NAV2: variants seen among roughly 807,000 people sequenced by gnomAD.
The protein encoded by NAV2 is neuron navigator 2.
In NAV2, 54 loss-of-function variants were observed where a neutral mutation model predicts 223.2. That is an observed-to-expected ratio of 0.24 (90% CI 0.19 to 0.30). The LOEUF (loss-of-function observed/expected upper bound fraction) is 0.30. NAV2 is among the 10% of genes least tolerant of loss of function. NAV2 has a pLI of 1.00. For missense variants in NAV2, 2,806 were observed against 3,147.5 expected, an observed-to-expected ratio of 0.89 and a Z score of 2.60; for synonymous variants, 1,279 against 1,239.3, an observed-to-expected ratio of 1.03 and a Z score of -0.67.
At chr11:19,793,566 C>A (rs569245019) in intron 1 of NAV2, among the ~76,000 whole-genome samples, 1 of 152,318 alleles carries the variant, frequency 6.6e-6, no homozygotes, top group African/African-American at 2.4e-5. Context: ...GGGCCTCTTG[C>A]ACCTGGACTG....
intron 1 of NAV2, among the ~76,000 whole-genome samples, chr11:19,489,786 C>A (rs918736355): frequency 2.0e-5 from 3 of 152,132 alleles, no homozygotes; most frequent in Non-Finnish European, 4.4e-5. Context: ...TGCTTCTCCC[C>A]CAAACTGTTT....
At chr11:20,071,026 T>A (rs1226934997) in intron 22 of NAV2, among the ~76,000 whole-genome samples, 1 of 152,154 alleles carries the variant, frequency 6.6e-6, no homozygotes, top group Non-Finnish European at 1.5e-5. Context: ...TACGTACGTA[T>A]ACATGTGCCA....
At chr11:19,378,051 G>A (rs906391475) in intron 1 of NAV2, among the ~76,000 whole-genome samples, 4 of 152,280 alleles carry the variant, frequency 2.6e-5, no homozygotes, top group South Asian at 2.1e-4. Context: ...GAGCTGTCTG[G>A]GGTCTGAACA....
chr11:19,454,650 C>A (rs1041818967), intron 1 of NAV2, among the ~76,000 whole-genome samples: 1 of 152,094 alleles, frequency 6.6e-6, no homozygotes, highest in African/African-American at 2.4e-5. Flanking sequence ...TGTCATGGAG[C>A]CTCCAGGAAG....
intron 17 of NAV2, among the ~76,000 whole-genome samples, chr11:20,053,349 A>T (rs2058149415): frequency 6.6e-6 from 1 of 152,002 alleles, no homozygotes; most frequent in Non-Finnish European, 1.5e-5. Flanking sequence ...CAGGGTTCTT[A>T]CCTTCCCTGA....
chr11:19,806,910 C>T (rs1332516167), intron 1 of NAV2, among the ~76,000 whole-genome samples: 6 of 152,174 alleles, frequency 3.9e-5, no homozygotes, highest in African/African-American at 1.4e-4. Flanking sequence ...GCTAACCCTG[C>T]CTGGGCATCA....
At chr11:19,793,929 G>A (rs532267328) in intron 1 of NAV2, among the ~76,000 whole-genome samples, 3 of 152,222 alleles carry the variant, frequency 2.0e-5, no homozygotes, top group East Asian at 1.9e-4. Context: ...CGGAGAGGCC[G>A]CCGGGACCCC....
intron 36 of NAV2, among the ~76,000 whole-genome samples, chr11:20,113,511 A>G (rs2062806632): frequency 1.3e-5 from 2 of 152,198 alleles, no homozygotes; most frequent in South Asian, 2.1e-4. Context: ...TGATCTTACC[A>G]TAAAATTAAG....
At chr11:19,807,744 G>A (rs980762913) in intron 1 of NAV2, among the ~76,000 whole-genome samples, 2 of 152,162 alleles carry the variant, frequency 1.3e-5, no homozygotes, top group Non-Finnish European at 2.9e-5. Context: ...CAAAGGATGT[G>A]CTCATAGCAG....
chr11:20,009,035 C>A lies in NAV2; in HGVS notation c.2768+24788C>A, dbSNP rs982659290. Among the ~76,000 whole-genome samples the A allele has an allele frequency of 1.3e-5, 2 of 152,156 alleles. 1 individual carries two copies. Reference sequence around the variant, plus strand: ...CTGTAGTGCTTACTGGCAAATGAGACTTCCCATCCTCACGTGGCTACACAG... The same window carrying A: ...CTGTAGTGCTTACTGGCAAATGAGAATTCCCATCCTCACGTGGCTACACAG... On this transcript the variant is annotated intron_variant, in intron 11 of 37. Transcript: ENST00000349880.
chr11:20,107,854 A>G (rs1440158484), intron 36 of NAV2, 72 bp downstream of exon 36: 3 of 1,007,672 alleles, frequency 3.0e-6, no homozygotes, highest in African/African-American at 1.6e-5. Flanking sequence ...AGTTGTCTTT[A>G]TCTCCTCCTC....
At chr11:19,820,724 A>G (rs555019929) in intron 1 of NAV2, among the ~76,000 whole-genome samples, 2 of 152,298 alleles carry the variant, frequency 1.3e-5, no homozygotes, top group South Asian at 2.1e-4. Context: ...GGGGCTGATC[A>G]TCCATTCAAC....
chr11:20,075,125 G>A (rs2059641643), intron 22 of NAV2, among the ~76,000 whole-genome samples: 1 of 152,102 alleles, frequency 6.6e-6, no homozygotes, highest in East Asian at 1.9e-4. Flanking sequence ...AAATTGATTG[G>A]CTTTTGTTTT....
At chr11:19,985,737 C>G (rs947613397) in intron 11 of NAV2, among the ~76,000 whole-genome samples, 1 of 152,004 alleles carries the variant, frequency 6.6e-6, no homozygotes, top group African/African-American at 2.4e-5. Flanking sequence ...CCAGCATGCC[C>G]AGCTAATTTT....
intron 1 of NAV2, among the ~76,000 whole-genome samples, chr11:19,684,779 A>G (rs1445499397): frequency 1.3e-5 from 2 of 152,198 alleles, no homozygotes; most frequent in Non-Finnish European, 2.9e-5. Context: ...GACTATGGGA[A>G]TACCCATTCT....
At chr11:19,500,957 C>T (rs1564990637) in intron 1 of NAV2, among the ~76,000 whole-genome samples, 1 of 152,294 alleles carries the variant, frequency 6.6e-6, no homozygotes, top group East Asian at 1.9e-4. Context: ...GACAGCGTCT[C>T]ACTGGGCTAA....
chr11:19,376,907 G>A (rs1848660116), intron 1 of NAV2, among the ~76,000 whole-genome samples: 1 of 152,158 alleles, frequency 6.6e-6, no homozygotes, highest in African/African-American at 2.4e-5. Context: ...AGTTTCCTAG[G>A]CACCACTTAT....
chr11:19,399,487 G>C (rs1849596712), intron 1 of NAV2, among the ~76,000 whole-genome samples: 1 of 152,220 alleles, frequency 6.6e-6, no homozygotes, highest in Non-Finnish European at 1.5e-5. Context: ...TACAGGCCCA[G>C]TGTAGGTGGA....
intron 1 of NAV2, among the ~76,000 whole-genome samples, chr11:19,617,306 A>G (rs1047451036): frequency 9.9e-5 from 15 of 152,164 alleles, no homozygotes; most frequent in Non-Finnish European, 1.5e-5. Flanking sequence ...AGGACATCTT[A>G]GGAGGATGTT....
Sources: gnomAD v4.1 joint callset for allele counts (sites outside exome capture counted in the v4.1 genomes callset) on GRCh38, gnomAD v4.1.1 for gene constraint, MANE v1.5 for transcripts, NCBI Gene and HGNC (gene_info 2026-07-23, HGNC 2026-07-21) for gene names.